CERKL: variants seen among roughly 807,000 people sequenced by gnomAD.
The protein encoded by CERKL is ceramide kinase-like protein.
CERKL carries 61 observed loss-of-function variants against 63.4 expected under a neutral mutation model. The ratio of observed to expected loss-of-function variants is 0.96; its 90% CI spans 0.78 to 1.19. The LOEUF is 1.19. Ranked by LOEUF, CERKL falls within the 50% of genes most tolerant of loss-of-function variation. CERKL has a pLI of 0.00. For missense variants in CERKL, 675 were observed against 655.5 expected (o/e 1.03, Z -0.33); for synonymous variants, 250 against 230.5 (o/e 1.08, Z -0.77).
chr2:181,579,649 G>T (rs919436332), intron 2 of CERKL, among the ~76,000 whole-genome samples: 1 of 151,784 alleles, frequency 6.6e-6, no homozygotes, highest in Non-Finnish European at 1.5e-5. Flanking sequence ...TGGCCTCTGG[G>T]CTTTGTATGA....
At chr2:181,600,149 A>C (rs1685397213) in intron 2 of CERKL, among the ~76,000 whole-genome samples, 1 of 152,236 alleles carries the variant, frequency 6.6e-6, no homozygotes, top group Non-Finnish European at 1.5e-5. Flanking sequence ...CCAGGCAAGA[A>C]AACACTAAGG....
chr2:181,592,448 TAAC>T (rs1236082109), intron 2 of CERKL, among the ~76,000 whole-genome samples: 1 of 152,196 alleles, frequency 6.6e-6, no homozygotes, highest in Non-Finnish European at 1.5e-5. Flanking sequence ...ACATAAGTAT[TAAC>T]TATAAAATAT....
intron 1 of CERKL, among the ~76,000 whole-genome samples, chr2:181,624,874 G>C (rs1443165483): frequency 2.0e-5 from 3 of 152,210 alleles, no homozygotes; most frequent in Non-Finnish European, 2.9e-5. Context: ...TGTGGAGTTT[G>C]TTGTAGAACA....
intron 2 of CERKL, among the ~76,000 whole-genome samples, chr2:181,599,578 A>C (rs1012550220): frequency 6.6e-6 from 1 of 150,532 alleles, no homozygotes; most frequent in Admixed American, 6.6e-5. Flanking sequence ...TGGAAGTTTT[A>C]ACAACAGACT....
chr2:181,564,933 T>C (rs1405129539), intron 4 of CERKL, among the ~76,000 whole-genome samples: 1 of 152,222 alleles, frequency 6.6e-6, no homozygotes, highest in Admixed American at 6.6e-5. Context: ...AGTAATCTCC[T>C]ACCCCATATT....
At chr2:181,646,038 G>A (rs1437411442) in intron 1 of CERKL, among the ~76,000 whole-genome samples, 1 of 152,200 alleles carries the variant, frequency 6.6e-6, no homozygotes, top group Non-Finnish European at 1.5e-5. Context: ...TTACTAAGAA[G>A]CTAACATTTG....
chr2:181,552,738 T>C (rs1688037828), intron 5 of CERKL, among the ~76,000 whole-genome samples: 2 of 152,166 alleles, frequency 1.3e-5, no homozygotes, highest in South Asian at 4.2e-4. Context: ...TTTATCTTTA[T>C]TTAGCCATTT....
rs938252985 is a variant in CERKL, at chr2:181,626,649, T to A, written c.239-22570A>T. On this transcript the variant is annotated intron_variant, in intron 1 of 12. Coordinates refer to ENST00000410087, the MANE Select transcript of CERKL (RefSeq NM_201548.5). ...CTCCCTAAATTCCTCAGAAAGGAAA[T>A]CAAGGTACTGTTAGATACATTTTGG... Among the ~76,000 whole-genome samples, 3 of 152,324 alleles carry A rather than the reference T, an allele frequency of 2.0e-5. No individual in the cohort carries two copies. The East Asian group carries it at 5.8e-4, about 29-fold the overall frequency.
chr2:181,628,284 A>G (rs553462711), intron 1 of CERKL, among the ~76,000 whole-genome samples: 34 of 152,324 alleles, frequency 2.2e-4, no homozygotes, highest in Non-Finnish European at 3.7e-4. Flanking sequence ...ACCTCCAGAT[A>G]ATTCTCCATA....
chr2:181,536,754 A>C lies in CERKL; in HGVS notation c.*1430T>G, dbSNP rs1687128224. On this transcript the variant is annotated 3_prime_UTR_variant, in exon 13 of 13. Transcript: ENST00000410087. ...TAAATGACTTTCTGGATTTTAAAAA[A>C]TTTCTTTAAATACAATCATTTTTGT... is the stretch of plus-strand genomic sequence containing the variant. The C allele has an allele frequency of 4.1e-6, 1 of 246,334 alleles. No individual in the cohort carries two copies. The highest frequency in any genetic ancestry group is 4.6e-5 in the South Asian group (1 of 21,506). The allele number at this position is 246,334 out of a possible 1,614,324, so 15.3% of individuals were successfully genotyped here.
intron 1 of CERKL, among the ~76,000 whole-genome samples, chr2:181,643,500 A>G (rs1186186188): frequency 6.6e-6 from 1 of 152,256 alleles, no homozygotes; most frequent in Non-Finnish European, 1.5e-5. Context: ...TGTGAAGTTA[A>G]TTTCACAAAT....
intron 3 of CERKL, among the ~76,000 whole-genome samples, chr2:181,570,443 A>G (rs1196635489): frequency 2.6e-5 from 4 of 152,206 alleles, no homozygotes; most frequent in Non-Finnish European, 5.9e-5. Context: ...TACAATCTCT[A>G]AAACTTGCTT....
At chr2:181,654,629 C>G (rs1190068334) in intron 1 of CERKL, among the ~76,000 whole-genome samples, 3 of 152,230 alleles carry the variant, frequency 2.0e-5, no homozygotes, top group African/African-American at 7.2e-5. Flanking sequence ...CCTACCATAT[C>G]ATGTCCTCCC....
In CERKL at chr2:181,573,905, C is replaced by A. The variant is rs145825510; in HGVS notation, c.482-21G>T. ...AAAGCCTAAGAAGAAATTTTAAAGA[C>A]AAAGTTGTAAAGTCCTTGTCATCAT... On this transcript the variant is annotated intron_variant, in intron 2 of 12. Transcript: ENST00000410087. 4.7e-4 allele frequency: 754 copies of A among 1,610,272 alleles called. 4 individuals are homozygous for A. In the African/African-American group the frequency reaches 9.1e-3, roughly 19 times the overall value.
chr2:181,646,731 C>G (rs1257334848), intron 1 of CERKL, among the ~76,000 whole-genome samples: 1 of 152,118 alleles, frequency 6.6e-6, no homozygotes, highest in East Asian at 1.9e-4. Context: ...AAGTCAAAGT[C>G]AAATGAAGGA....
chr2:181,645,365 C>A (rs1687624505), intron 1 of CERKL, among the ~76,000 whole-genome samples: 1 of 152,172 alleles, frequency 6.6e-6, no homozygotes, highest in African/African-American at 2.4e-5. Context: ...ATATGCCAGG[C>A]ACTCTTCAAG....
chr2:181,598,590 C>T (rs567948520), intron 2 of CERKL, among the ~76,000 whole-genome samples: 6 of 152,160 alleles, frequency 3.9e-5, no homozygotes, highest in Non-Finnish European at 8.8e-5. Context: ...TTTTTAAGTG[C>T]CATCTACTGG....
chr2:181,651,913 T>TAA (rs1553524758), intron 1 of CERKL, among the ~76,000 whole-genome samples: 50 of 148,668 alleles, frequency 3.4e-4, no homozygotes, highest in African/African-American at 1.1e-3. Flanking sequence ...AGTACTTTTT[T>TAA]AAAAAAAAAG....
At chr2:181,586,889 CCAGAACCTTGT>C (rs1450274870) in intron 2 of CERKL, among the ~76,000 whole-genome samples, 1 of 152,088 alleles carries the variant, frequency 6.6e-6, no homozygotes, top group Non-Finnish European at 1.5e-5. Context: ...AGTTAAGAGC[CCAGAACCTTGT>C]CATACTCTTG....
Sources: allele counts gnomAD v4.1 joint callset (sites outside exome capture counted in the v4.1 genomes callset), GRCh38; gene constraint gnomAD v4.1.1; transcripts MANE v1.5; gene names NCBI Gene and HGNC (gene_info 2026-07-23, HGNC 2026-07-21).